The following TMEM174 variants were observed in gnomAD, a reference collection of about 807,000 sequenced individuals.
TMEM174 encodes the protein transmembrane protein 174.
Under a neutral mutation model 15.1 loss-of-function variants are expected in TMEM174, and 11 were observed. That is an observed-to-expected ratio of 0.73 (90% confidence interval 0.46 to 1.20). The LOEUF (loss-of-function observed/expected upper bound fraction) is 1.20. TMEM174 is among the 50% of genes most tolerant of loss of function. TMEM174 has a pLI of 0.00. For synonymous variants in TMEM174, 130 were observed against 121.3 expected (o/e 1.07, Z -0.47); for missense variants, 321 against 303.6 (o/e 1.06, Z -0.43).
rs1745026244 is a variant in TMEM174 at position 73,174,133 on chromosome 5, C to G, written c.700C>G (p.Pro234Ala). The G allele has an allele frequency of 1.2e-6, 2 of 1,614,116 alleles. No homozygotes were observed. The highest frequency in any genetic ancestry group is 8.5e-7 in the Non-Finnish European group (1 of 1,180,012). ...EEACACFSPP[P>A]YEEIYSLPR ...GGCCTGTGCCTGCTTCTCTCCTCCC[C>G]CTTATGAAGAAATATACTCTCTCCC... Residue 234 changes from proline to alanine, a missense_variant, in exon 2 of 2, where the codon CCT becomes GCT. Coordinates refer to ENST00000296776, the MANE Select transcript of TMEM174 (RefSeq NM_153217.3).
chr5:73,173,968 CTCT>C, intron 1 of TMEM174, 89 bp from the exon 2 acceptor site: 5 of 1,599,444 alleles, frequency 3.1e-6, no homozygotes. Flanking sequence ...GACTGTGAAT[CTCT>C]TCTTAGCCTG....
In TMEM174 at chr5:73,173,277, C is replaced by T; in HGVS notation, c.34C>T (p.Pro12Ser). The part of the protein sequence containing the change: ...EQGSGRLEDF[P>S]VNVFSVTPYT... ...GGGCAGCGGCCGCTTGGAGGACTTCCCTGTCAATGTGTTCTCCGTCACTCC... is the reference window on the plus strand; with the variant it reads ...GGGCAGCGGCCGCTTGGAGGACTTCTCTGTCAATGTGTTCTCCGTCACTCC... The change falls in exon 1 of 2, where the codon CCT becomes TCT. Residue 12 changes from proline to serine, a missense_variant. Pro to Ser is a moderately conservative substitution (Grantham distance 74). Coordinates refer to ENST00000296776, the MANE Select transcript of TMEM174 (RefSeq NM_153217.3). 1 of 1,544,318 alleles carries T rather than the reference C, an allele frequency of 6.5e-7. No homozygotes were observed. The highest frequency in any genetic ancestry group is 1.3e-5 in the South Asian group (1 of 78,568).
intron 1 of TMEM174, 72 bp downstream of exon 1, chr5:73,173,941 T>C: frequency 6.3e-7 from 1 of 1,594,396 alleles, no homozygotes; most frequent in Non-Finnish European, 8.6e-7. Context: ...GTTTGGTCCA[T>C]GAATAAGGTG....
Position 73,173,974 on chromosome 5 carries a change from T to G in TMEM174, c.627-86T>G, listed in dbSNP as rs1184678846. Reference sequence around the variant, plus strand: ...GTGTTGGGAGACTGTGAATCTCTTCTTAGCCTGTTGCCCACGATGGCAGCC... The same window carrying G: ...GTGTTGGGAGACTGTGAATCTCTTCGTAGCCTGTTGCCCACGATGGCAGCC... On this transcript the variant is annotated intron_variant, in intron 1 of 1. Coordinates refer to ENST00000296776, the MANE Select transcript of TMEM174 (RefSeq NM_153217.3). 7 of 1,604,196 alleles carry G rather than the reference T, an allele frequency of 4.4e-6. No homozygotes were observed. The Admixed American group carries it at 1.2e-4, about 27-fold the overall frequency.
chr5:73,174,292 CAG>C lies in TMEM174; in HGVS notation c.*131_*132del, dbSNP rs374360821. ...TTACAGCAGCGCCCAGGCAGCCTGACAGAGATCATTCAAGGGGGGAAAGGGGA... is the reference window on the plus strand; with the variant it reads ...TTACAGCAGCGCCCAGGCAGCCTGACAGATCATTCAAGGGGGGAAAGGGGA... On this transcript the variant is annotated 3_prime_UTR_variant, in exon 2 of 2. Coordinates refer to ENST00000296776, the MANE Select transcript of TMEM174 (RefSeq NM_153217.3). The C allele has an allele frequency of 5.0e-4, 412 of 821,846 alleles. 2 individuals are homozygous for C. In the African/African-American group the frequency reaches 6.3e-3, roughly 13 times the overall value. 50.9% of individuals were successfully genotyped at this position (821,846 alleles called of 1,614,324 possible).
At position 73,173,795 on chromosome 5, in the gene TMEM174, C is replaced by T; in HGVS notation, c.552C>T (p.Thr184=). The T allele has an allele frequency of 1.2e-6, 2 of 1,614,194 alleles. No individual in the cohort carries two copies. The highest frequency in any genetic ancestry group is 1.7e-6 in the Non-Finnish European group (2 of 1,180,026). The change falls in exon 1 of 2, where the codon ACC becomes ACT. Residue 184 remains threonine, a synonymous_variant. Transcript: ENST00000296776. Reference sequence around the variant, plus strand: ...TGTCAAGTCCTCCTCAATACTACACCATCTACCCTCAAGATAACTCTGCAT... The same window carrying T: ...TGTCAAGTCCTCCTCAATACTACACTATCTACCCTCAAGATAACTCTGCAT... ...AAMSSPPQYY[T]IYPQDNSAFV...
chr5:73,173,696 G>A lies in TMEM174; in HGVS notation c.453G>A (p.Gly151=), dbSNP rs1745016790. The A allele has an allele frequency of 6.2e-7, 1 of 1,614,044 alleles. No individual in the cohort carries two copies. The highest frequency in any genetic ancestry group is 8.5e-7 in the Non-Finnish European group (1 of 1,180,032). Reference sequence around the variant, plus strand: ...CTTATGGTTCTCCAGAGCCTATGGGGATAAATACCAGCTACCTGCAGTCTG... The same window carrying A: ...CTTATGGTTCTCCAGAGCCTATGGGAATAAATACCAGCTACCTGCAGTCTG... ...PPPYGSPEPM[G]INTSYLQSVV... Residue 151 remains glycine, a synonymous_variant, in exon 1 of 2, where the codon GGG becomes GGA. Coordinates refer to ENST00000296776, the MANE Select transcript of TMEM174 (RefSeq NM_153217.3).
rs533205691 is a variant in TMEM174, at chr5:73,173,463, C to A, written c.220C>A (p.Leu74Ile). The A allele has an allele frequency of 3.7e-6, 6 of 1,614,230 alleles. No individual in the cohort carries two copies. The South Asian group carries it at 5.5e-5, about 15-fold the overall frequency. ...GVSHFEWTQL[L>I]GPVLLSVGVT... is the part of the protein sequence containing the mutation. Reference sequence around the variant, plus strand: ...CTCCCACTTTGAATGGACCCAGCTCCTTGGGCCCGTCCTGCTGTCAGTTGG... The same window carrying A: ...CTCCCACTTTGAATGGACCCAGCTCATTGGGCCCGTCCTGCTGTCAGTTGG... Residue 74 changes from leucine (L) to isoleucine (I), a missense_variant, in exon 1 of 2, where the codon CTT becomes ATT. Coordinates refer to ENST00000296776, the MANE Select transcript of TMEM174 (RefSeq NM_153217.3).
Position 73,174,767 on chromosome 5 carries a change from C to G in TMEM174, c.*602C>G, listed in dbSNP as rs1268252399. The G allele has an allele frequency of 6.5e-6, 1 of 152,712 alleles. No homozygotes were observed. The highest frequency in any genetic ancestry group is 1.5e-5 in the Non-Finnish European group (1 of 68,358). 9.5% of individuals were successfully genotyped at this position (152,712 alleles called of 1,614,324 possible). ...CAATGAAATAAAATAAATCATGTCT[C>G]CTGCTAGAATAGTATTGGATACCTG... is the stretch of plus-strand genomic sequence containing the variant. On this transcript the variant is annotated 3_prime_UTR_variant, in exon 2 of 2. Coordinates refer to ENST00000296776, the MANE Select transcript of TMEM174 (RefSeq NM_153217.3).
At position 73,174,222 on chromosome 5, in the gene TMEM174, T is replaced by C. The variant is rs1745028429; in HGVS notation, c.*57T>C. The C allele has an allele frequency of 3.3e-6, 5 of 1,516,854 alleles. No homozygotes were observed. In the Admixed American group the frequency reaches 5.0e-5, roughly 15 times the overall value. 94.0% of individuals were successfully genotyped at this position (1,516,854 alleles called of 1,614,324 possible). A position where few individuals can be genotyped will look rare whatever the true frequency, so the allele number is the denominator to read the frequency against. On this transcript the variant is annotated 3_prime_UTR_variant, in exon 2 of 2. Transcript: ENST00000296776. ...GCTCAGGGAGCAAGTGTTTCCGTCA[T>C]TGTTACCTGACAACCGTGGTGTTCT...
rs1327839480 is a variant in TMEM174 at position 73,174,771 on chromosome 5, C to A, written c.*606C>A. 6.5e-6 allele frequency: 1 copy of A among 152,708 alleles called. No individual in the cohort carries two copies. The highest frequency in any genetic ancestry group is 2.4e-5 in the African/African-American group (1 of 41,454). 9.5% of individuals were successfully genotyped at this position (152,708 alleles called of 1,614,324 possible). A position where few individuals can be genotyped will look rare whatever the true frequency, so the allele number is the denominator to read the frequency against. On this transcript the variant is annotated 3_prime_UTR_variant, in exon 2 of 2. Transcript: ENST00000296776. Reference sequence around the variant, plus strand: ...GAAATAAAATAAATCATGTCTCCTGCTAGAATAGTATTGGATACCTGACTA... The same window carrying A: ...GAAATAAAATAAATCATGTCTCCTGATAGAATAGTATTGGATACCTGACTA...
In TMEM174 at chr5:73,173,394, G is replaced by T; in HGVS notation, c.151G>T (p.Gly51Trp). 17 of 1,612,900 alleles carry T rather than the reference G, an allele frequency of 1.1e-5. No homozygotes were observed. The highest frequency in any genetic ancestry group is 1.4e-5 in the Non-Finnish European group (17 of 1,178,888). The change falls in exon 1 of 2, where the codon GGG (glycine) becomes TGG (tryptophan). Residue 51 changes from glycine to tryptophan, a missense_variant. Physicochemically the swap from Gly to Trp is radical, Grantham distance 184. Coordinates refer to ENST00000296776, the MANE Select transcript of TMEM174 (RefSeq NM_153217.3). ...LFSGIFLGLV[G>W]ITFTVMGWIK... ...CTCAGGCATCTTTCTGGGACTGGTG[G>T]GGATCACATTCACTGTCATGGGCTG...
rs868771799 is a variant in TMEM174, at chr5:73,173,564, G to A, written c.321G>A (p.Arg107=). The part of the protein sequence containing the change: ...SCQLCKESEE[R]VPDSEQTPGG... ...AGTTGTGCAAAGAAAGTGAGGAAAGGGTCCCGGACTCGGAACAGACACCAG... is the reference window on the plus strand; with the variant it reads ...AGTTGTGCAAAGAAAGTGAGGAAAGAGTCCCGGACTCGGAACAGACACCAG... The change falls in exon 1 of 2, where the codon AGG becomes AGA. Residue 107 remains arginine (R), a synonymous_variant. Transcript: ENST00000296776. 3 of 1,614,162 alleles carry A rather than the reference G, an allele frequency of 1.9e-6. No homozygotes were observed. Among genetic ancestry groups the A allele is most frequent in the South Asian group, 2.2e-5 (2 of 91,076 alleles).
Position 73,173,715 on chromosome 5 carries a change from C to T in TMEM174, c.472C>T (p.Gln158Ter). The T allele has an allele frequency of 1.2e-6, 2 of 1,614,204 alleles. No individual in the cohort carries two copies. Residue 158 changes from glutamine (Q) to a stop codon, truncating the protein, a stop_gained, in exon 1 of 2, where the codon CAG becomes TAG. Transcript: ENST00000296776. LOFTEE classifies it high-confidence loss of function. ...EPMGINTSYL[Q>*]SVVSPCGLIT... ...TATGGGGATAAATACCAGCTACCTG[C>T]AGTCTGTGGTGAGCCCCTGCGGCCT...
In TMEM174 at chr5:73,173,271, G is replaced by A; in HGVS notation, c.28G>A (p.Asp10Asn). Residue 10 changes from aspartate (D) to asparagine (N), a missense_variant, in exon 1 of 2, where the codon GAC becomes AAC. Coordinates refer to ENST00000296776, the MANE Select transcript of TMEM174 (RefSeq NM_153217.3). Reference sequence around the variant, plus strand: ...GGAGCAGGGCAGCGGCCGCTTGGAGGACTTCCCTGTCAATGTGTTCTCCGT... The same window carrying A: ...GGAGCAGGGCAGCGGCCGCTTGGAGAACTTCCCTGTCAATGTGTTCTCCGT... MEQGSGRLEDFPVNVFSVTP... is the reference protein window; with the variant it reads MEQGSGRLENFPVNVFSVTP... 1 of 1,542,034 alleles carries A rather than the reference G, an allele frequency of 6.5e-7. No individual in the cohort carries two copies. The highest frequency in any genetic ancestry group is 8.7e-7 in the Non-Finnish European group (1 of 1,143,038).
intron 1 of TMEM174, 78 bp from the exon 2 acceptor site, chr5:73,173,982 T>C: frequency 6.2e-7 from 1 of 1,605,662 alleles, no homozygotes; most frequent in Non-Finnish European, 8.5e-7. Context: ...TCTTAGCCTG[T>C]TGCCCACGAT....
chr5:73,173,401 C>T lies in TMEM174; in HGVS notation c.158C>T (p.Thr53Ile). The part of the protein sequence containing the change: ...SGIFLGLVGI[T>I]FTVMGWIKYQ... ...ATCTTTCTGGGACTGGTGGGGATCA[C>T]ATTCACTGTCATGGGCTGGATCAAA... Residue 53 changes from threonine (T) to isoleucine (I), a missense_variant, in exon 1 of 2, where the codon ACA becomes ATA. Coordinates refer to ENST00000296776, the MANE Select transcript of TMEM174 (RefSeq NM_153217.3). The T allele has an allele frequency of 6.2e-7, 1 of 1,613,646 alleles. No homozygotes were observed. The highest frequency in any genetic ancestry group is 8.5e-7 in the Non-Finnish European group (1 of 1,179,532).
chr5:73,173,776 G>A lies in TMEM174; in HGVS notation c.533G>A (p.Ser178Asn). 1.2e-6 allele frequency: 2 copies of A among 1,614,194 alleles called. No homozygotes were observed. The highest frequency in any genetic ancestry group is 8.5e-7 in the Non-Finnish European group (1 of 1,180,042). ...GGAGGGGCAGCAGCCGCCATGTCAA[G>A]TCCTCCTCAATACTACACCATCTAC... ...TSGGAAAAMS[S>N]PPQYYTIYPQ... Residue 178 changes from serine to asparagine, a missense_variant, in exon 1 of 2, where the codon AGT (serine) becomes AAT (asparagine). Physicochemically the swap from Ser to Asn is conservative, Grantham distance 46 (BLOSUM62 1). Transcript: ENST00000296776.
rs1745014677 is a variant in TMEM174, at chr5:73,173,601, T to C, written c.358T>C (p.Phe120Leu). Residue 120 changes from phenylalanine to leucine, a missense_variant, in exon 1 of 2, where the codon TTT becomes CTT. Phe to Leu is a conservative substitution (Grantham distance 22, BLOSUM62 0). Transcript: ENST00000296776. ...DSEQTPGGPS[F>L]VFTGINQPIT... ...GGAACAGACACCAGGAGGACCATCATTTGTTTTCACTGGCATCAACCAACC... is the reference window on the plus strand; with the variant it reads ...GGAACAGACACCAGGAGGACCATCACTTGTTTTCACTGGCATCAACCAACC... 2.0e-5 allele frequency: 32 copies of C among 1,614,104 alleles called. No homozygotes were observed. The East Asian group carries it at 7.1e-4, about 36-fold the overall frequency.
Sources: gnomAD v4.1 joint callset for allele counts on GRCh38, gnomAD v4.1.1 for gene constraint, MANE v1.5 for transcripts, NCBI Gene and HGNC (gene_info 2026-07-23, HGNC 2026-07-21) for gene names.